ANO3: variants seen among roughly 807,000 people sequenced by gnomAD.
ANO3 encodes anoctamin-3.
ANO3 carries 99 observed loss-of-function variants against 144.8 expected under a neutral mutation model. That is an observed-to-expected ratio of 0.68 (90% CI 0.58 to 0.81). ANO3 has a LOEUF of 0.81. ANO3 is among the 30% of genes least tolerant of loss of function. The pLI is 0.00. For synonymous variants in ANO3, 414 were observed against 392.6 expected (o/e 1.05, Z -0.64); for missense variants, 905 against 1,202.2 (o/e 0.75, Z 3.66).
intron 1 of ANO3, among the ~76,000 whole-genome samples, chr11:26,325,592 A>T (rs1173030056): frequency 2.6e-5 from 4 of 152,190 alleles, no homozygotes; most frequent in Non-Finnish European, 4.4e-5. Context: ...TAAATACTTC[A>T]AAAATCTTTT....
At chr11:26,406,527 G>C (rs1005609457) in intron 1 of ANO3, among the ~76,000 whole-genome samples, 2 of 151,924 alleles carry the variant, frequency 1.3e-5, no homozygotes, top group Middle Eastern at 3.4e-3. Flanking sequence ...GTTTGGCATA[G>C]TTAGAAAGTT....
chr11:26,282,886 T>C (rs948026155), intron 1 of ANO3, among the ~76,000 whole-genome samples: 5 of 152,202 alleles, frequency 3.3e-5, no homozygotes, highest in Non-Finnish European at 5.9e-5. Context: ...ACAAACATCA[T>C]TCACAAAATC....
chr11:26,432,922 T>G (rs560674807), intron 1 of ANO3, among the ~76,000 whole-genome samples: 3 of 152,348 alleles, frequency 2.0e-5, no homozygotes, highest in Admixed American at 2.0e-4. Flanking sequence ...AAATAGTTTT[T>G]TTCTAATTAT....
At chr11:26,282,321 T>G (rs558696404) in intron 1 of ANO3, among the ~76,000 whole-genome samples, 12 of 151,924 alleles carry the variant, frequency 7.9e-5, no homozygotes, top group African/African-American at 2.4e-4. Context: ...TTTTTTTTTT[T>G]GTAATAGATT....
chr11:26,308,418 C>T (rs560002516), upstream of ANO3, among the ~76,000 whole-genome samples: 1 of 152,306 alleles, frequency 6.6e-6, no homozygotes, highest in East Asian at 1.9e-4. Flanking sequence ...ATAAAATACA[C>T]TCTACTATTA....
chr11:26,267,203 C>CA (rs1351107604), intron 1 of ANO3, among the ~76,000 whole-genome samples: 12 of 151,804 alleles, frequency 7.9e-5, no homozygotes, highest in Admixed American at 5.2e-4. Context: ...CACACACACA[C>CA]CCCCAAAATG....
At position 26,197,235 on chromosome 11, in the gene ANO3, AAGG is replaced by A. The variant is rs1851606017; in HGVS notation, c.154+7908_154+7910del. On this transcript the variant is annotated intron_variant, in intron 1 of 27. Coordinates refer to the ANO3 transcript ENST00000672621. ...CCTTATGTGATAGATGGTTACAAAG[AAGG>A]AGAAGGCAACAGAAAACAAAAAAGA... Among the ~76,000 whole-genome samples the A allele has an allele frequency of 2.0e-5, 3 of 151,308 alleles. No individual in the cohort carries two copies. In the South Asian group the frequency reaches 6.2e-4, roughly 31 times the overall value.
At chr11:26,316,161 T>G (rs926163733) in intron 1 of ANO3, among the ~76,000 whole-genome samples, 1 of 152,224 alleles carries the variant, frequency 6.6e-6, no homozygotes, top group Non-Finnish European at 1.5e-5. Context: ...AATGGGGCTC[T>G]TTCTTTGTTC....
intron 4 of ANO3, among the ~76,000 whole-genome samples, chr11:26,482,426 ATGTG>A (rs58664691): frequency 0.12 from 17,063 of 140,880 alleles, 1,070 homozygotes; most frequent in Admixed American, 0.17. Flanking sequence ...ACACAGATAT[ATGTG>A]TGTGTGTGTG....
At chr11:26,191,244 C>G (rs967377519) in intron 1 of ANO3, among the ~76,000 whole-genome samples, 1 of 151,610 alleles carries the variant, frequency 6.6e-6, no homozygotes, top group East Asian at 1.9e-4. Flanking sequence ...CGCCATTGCA[C>G]GCCAGCCTGG....
At chr11:26,194,701 C>T (rs576599056) in intron 1 of ANO3, among the ~76,000 whole-genome samples, 10 of 151,606 alleles carry the variant, frequency 6.6e-5, no homozygotes, top group African/African-American at 9.7e-5. Flanking sequence ...GGTTTCTCCA[C>T]GTTCAGGCTC....
At chr11:26,384,823 C>T (rs930218336) in intron 1 of ANO3, among the ~76,000 whole-genome samples, 2 of 152,122 alleles carry the variant, frequency 1.3e-5, no homozygotes, top group African/African-American at 2.4e-5. Context: ...ACAAAAGTAC[C>T]ATAACTGGTA....
At chr11:26,508,355 C>A in intron 5 of ANO3, 93 bp downstream of exon 5, 1 of 1,165,698 alleles carries the variant, frequency 8.6e-7, no homozygotes, top group Non-Finnish European at 1.2e-6. Context: ...TATCACATGA[C>A]TTTATAAAAT....
chr11:26,535,014 A>C (rs1347739093), intron 9 of ANO3, among the ~76,000 whole-genome samples: 1 of 152,186 alleles, frequency 6.6e-6, no homozygotes, highest in Non-Finnish European at 1.5e-5. Flanking sequence ...TTTTAACATA[A>C]AAATTTCAAG....
chr11:26,518,782 A>G (rs574958323), intron 6 of ANO3, among the ~76,000 whole-genome samples: 1 of 152,120 alleles, frequency 6.6e-6, no homozygotes, highest in South Asian at 2.1e-4. Flanking sequence ...TAAAATATAT[A>G]GCATATACAA....
rs78300024 is a variant in ANO3 at position 26,573,375 on chromosome 11, A to G, written c.1447+13596A>G. On this transcript the variant is annotated intron_variant, in intron 14 of 26. Transcript: ENST00000256737. ...AAGCTGTCTCTACTGTGGTACGAAG[A>G]AAAGCAGGTTAAATTTAATCAAACA... is the stretch of plus-strand genomic sequence containing the variant. Among the ~76,000 whole-genome samples, 153 of 152,338 alleles carry G rather than the reference A, an allele frequency of 1.0e-3. 3 individuals carry two copies. The East Asian group carries it at 0.027, about 27-fold the overall frequency.
chr11:26,392,256 T>A (rs1856901628), intron 1 of ANO3, among the ~76,000 whole-genome samples: 1 of 151,262 alleles, frequency 6.6e-6, no homozygotes, highest in South Asian at 2.1e-4. Flanking sequence ...TTTTTTTTTT[T>A]AAGAATATGG....
At chr11:26,498,631 C>T (rs1352361817) in intron 4 of ANO3, among the ~76,000 whole-genome samples, 3 of 151,182 alleles carry the variant, frequency 2.0e-5, no homozygotes, top group Non-Finnish European at 3.0e-5. Flanking sequence ...TTATATCCAA[C>T]ATTGAGCTTT....
At chr11:26,375,528 G>A (rs1856382090) in intron 1 of ANO3, among the ~76,000 whole-genome samples, 1 of 152,184 alleles carries the variant, frequency 6.6e-6, no homozygotes, top group South Asian at 2.1e-4. Context: ...GAATGAATCG[G>A]TGAGTTATTG....
Sources: allele counts gnomAD v4.1 joint callset (sites outside exome capture counted in the v4.1 genomes callset), GRCh38; gene constraint gnomAD v4.1.1; transcripts MANE v1.5; gene names NCBI Gene and HGNC (gene_info 2026-07-23, HGNC 2026-07-21).